The following ETFDH variants were observed in gnomAD, a reference collection of about 807,000 sequenced individuals.
ETFDH encodes the protein electron transfer flavoprotein dehydrogenase, also known as electron transfer flavoprotein-ubiquinone oxidoreductase, mitochondrial.
A neutral mutation model predicts 73.2 loss-of-function variants in ETFDH; 61 were observed. The ratio of observed to expected loss-of-function variants is 0.83; its 90% CI spans 0.68 to 1.03. The LOEUF is 1.03. Ranked by LOEUF, ETFDH falls within the 50% of genes least tolerant of loss-of-function variation. The pLI is 0.00. For synonymous variants in ETFDH, 243 were observed against 253.3 expected, an observed-to-expected ratio of 0.96 and a Z score of 0.39; for missense variants, 685 against 745.0, an observed-to-expected ratio of 0.92 and a Z score of 0.94.
At chr4:158,679,094 T>G (rs1009463268) in intron 1 of ETFDH, among the ~76,000 whole-genome samples, 20 of 152,220 alleles carry the variant, frequency 1.3e-4, no homozygotes, top group African/African-American at 4.6e-4. Context: ...CCATTTCTTC[T>G]CCCTAATTTG....
At chr4:158,685,245 A>G in intron 5 of ETFDH, 26 bp downstream of exon 5, 1 of 1,229,634 alleles carries the variant, frequency 8.1e-7, no homozygotes, top group Non-Finnish European at 1.2e-6. Context: ...TTTTGTTTTA[A>G]TATTTATAGG....
chr4:158,700,420 C>T (rs1774426609), intron 9 of ETFDH, among the ~76,000 whole-genome samples: 1 of 152,032 alleles, frequency 6.6e-6, no homozygotes, highest in Admixed American at 6.6e-5. Context: ...TAACCCTACT[C>T]TAATTTATAA....
At chr4:158,684,781 TATTTGA>T in intron 4 of ETFDH, 108 bp downstream of exon 4, 1 of 762,376 alleles carries the variant, frequency 1.3e-6, no homozygotes, top group Non-Finnish European at 2.4e-6. Flanking sequence ...GAGACCCAGA[TATTTGA>T]AGGACTTACT....
intron 9 of ETFDH, 80 bp from the exon 10 acceptor site, chr4:158,703,343 C>T: frequency 2.0e-6 from 2 of 998,562 alleles, no homozygotes; most frequent in East Asian, 2.4e-5. Flanking sequence ...CTCTAGAATA[C>T]TTTAAGACTG....
chr4:158,677,905 A>G (rs1351368577), intron 1 of ETFDH, among the ~76,000 whole-genome samples: 1 of 152,212 alleles, frequency 6.6e-6, no homozygotes, highest in African/African-American at 2.4e-5. Context: ...TTTGGTTTAC[A>G]CAAGGTCACA....
rs201683266 is a variant in ETFDH at position 158,708,422 on chromosome 4, T to C, written c.1749T>C (p.Ala583=). 6.2e-7 allele frequency: 1 copy of C among 1,611,476 alleles called. No individual in the cohort carries two copies. The highest frequency in any genetic ancestry group is 8.5e-7 in the Non-Finnish European group (1 of 1,177,542). Residue 583 remains alanine, a synonymous_variant, in exon 13 of 13, where the codon GCT becomes GCC. Coordinates refer to ENST00000511912, the MANE Select transcript of ETFDH (RefSeq NM_004453.4). ...ATGGATTTCGGTTACAGATAAATGC[T>C]CAGAACTGTGTACATTGTAAAACAT... is the stretch of plus-strand genomic sequence containing the variant. ...QGDGFRLQIN[A]QNCVHCKTCD...
Position 158,682,197 on chromosome 4 carries a change from G to C in ETFDH, c.178G>C (p.Val60Leu). The stretch of plus-strand genomic sequence containing the variant: ...CCCAGAATTTTTATTTCTCCCAGGA[G>C]TGAACATGGAAAGGTTTGCAGAAGA... ...PRDKDKRWEG[V>L]NMERFAEEAD... The change falls in exon 3 of 13, where the codon GTG becomes CTG. Residue 60 changes from valine to leucine, a missense_variant and splice_region_variant. By Grantham distance (32) the Val-to-Leu change is conservative. Coordinates refer to ENST00000511912, the MANE Select transcript of ETFDH (RefSeq NM_004453.4). 6.2e-7 allele frequency: 1 copy of C among 1,613,898 alleles called. No individual in the cohort carries two copies. The highest frequency in any genetic ancestry group is 2.2e-5 in the East Asian group (1 of 44,882).
At chr4:158,692,889 AC>A (rs368917205) in intron 6 of ETFDH, among the ~76,000 whole-genome samples, 18,384 of 95,266 alleles carry the variant, frequency 0.19, 1,463 homozygotes, top group Middle Eastern at 0.32. Flanking sequence ...AAAAAAAAAA[AC>A]ATATATATAT....
At position 158,699,114 on chromosome 4, in the gene ETFDH, A is replaced by G. The variant is rs751132805; in HGVS notation, c.1100A>G (p.Asn367Ser). 5.0e-6 allele frequency: 8 copies of G among 1,613,918 alleles called. No homozygotes were observed. The highest frequency in any genetic ancestry group is 2.2e-5 in the South Asian group (2 of 91,084). ...ATTGCATACGGAGCCAGAGCTCTCA[A>G]TGAAGGTGGCTTTCAGGTAACTCTT... Reference protein sequence around the residue: ...KRIAYGARALNEGGFQSIPKL... With the variant: ...KRIAYGARALSEGGFQSIPKL... The change falls in exon 9 of 13, where the codon AAT (asparagine) becomes AGT (serine). Residue 367 changes from asparagine to serine, a missense_variant. Asn to Ser is a conservative substitution (Grantham distance 46). Transcript: ENST00000511912.
At chr4:158,701,918 TG>T (rs1254991601) in intron 9 of ETFDH, among the ~76,000 whole-genome samples, 1 of 152,154 alleles carries the variant, frequency 6.6e-6, no homozygotes, top group Non-Finnish European at 1.5e-5. Context: ...CTTATTACAT[TG>T]TTTTTTTTAA....
intron 5 of ETFDH, among the ~76,000 whole-genome samples, chr4:158,687,859 T>G (rs1028035193): frequency 4.6e-5 from 7 of 151,190 alleles, no homozygotes; most frequent in African/African-American, 1.7e-4. Flanking sequence ...GATAACATGG[T>G]GAAACCCCGT....
intron 1 of ETFDH, among the ~76,000 whole-genome samples, chr4:158,678,982 A>G (rs1773778706): frequency 6.6e-6 from 1 of 152,048 alleles, no homozygotes; most frequent in Non-Finnish European, 1.5e-5. Context: ...AACCTACCCT[A>G]ATAAAATCTT....
intron 1 of ETFDH, among the ~76,000 whole-genome samples, chr4:158,678,571 C>G (rs1001763255): frequency 1.3e-5 from 2 of 151,894 alleles, no homozygotes; most frequent in Non-Finnish European, 2.9e-5. Flanking sequence ...CCATTCTCTA[C>G]TTGTTAGAAG....
intron 6 of ETFDH, among the ~76,000 whole-genome samples, chr4:158,691,434 C>G (rs924547707): frequency 2.6e-5 from 4 of 152,194 alleles, no homozygotes; most frequent in Non-Finnish European, 5.9e-5. Context: ...AAGTAGTTAT[C>G]CCGCCTCAGC....
chr4:158,686,710 C>T (rs1774014391), intron 5 of ETFDH, among the ~76,000 whole-genome samples: 1 of 152,146 alleles, frequency 6.6e-6, no homozygotes, highest in Non-Finnish European at 1.5e-5. Context: ...ATCCTGGTTT[C>T]TATGACTTGC....
chr4:158,683,793 A>C (rs1420619755), intron 3 of ETFDH, among the ~76,000 whole-genome samples: 2 of 152,088 alleles, frequency 1.3e-5, no homozygotes, highest in Non-Finnish European at 2.9e-5. Flanking sequence ...ATGTGGGCTC[A>C]AAACCACTAG....
chr4:158,705,759 G>A (rs1177409310), intron 10 of ETFDH, among the ~76,000 whole-genome samples: 4 of 152,176 alleles, frequency 2.6e-5, no homozygotes, highest in Non-Finnish European at 4.4e-5. Flanking sequence ...AGCCTTCACT[G>A]TGGACCATGT....
At position 158,709,596 on chromosome 4, in the gene ETFDH, T is replaced by C. The variant is rs1042894792; in HGVS notation, c.*1069T>C. The C allele has an allele frequency of 5.0e-6, 3 of 599,738 alleles. No individual in the cohort carries two copies. Among genetic ancestry groups the C allele is most frequent in the Non-Finnish European group, 5.7e-6 (2 of 348,266 alleles). The allele number at this position is 599,738 out of a possible 1,614,324, so 37.2% of individuals were successfully genotyped here. ...CATGTTTATTAAGCATGAACCCCTA[T>C]CAGTACTCCTAAACTGTAAACAGTA... On this transcript the variant is annotated 3_prime_UTR_variant, in exon 13 of 13. Coordinates refer to ENST00000511912, the MANE Select transcript of ETFDH (RefSeq NM_004453.4).
At chr4:158,697,401 G>A (rs1774335518) in intron 7 of ETFDH, among the ~76,000 whole-genome samples, 158 bp from the exon 8 acceptor site, 1 of 151,988 alleles carries the variant, frequency 6.6e-6, no homozygotes, top group African/African-American at 2.4e-5. Flanking sequence ...AGCCTTCTTT[G>A]ATATTTGAAG....
Sources: allele counts gnomAD v4.1 joint callset (sites outside exome capture counted in the v4.1 genomes callset), GRCh38; gene constraint gnomAD v4.1.1; transcripts MANE v1.5; gene names NCBI Gene and HGNC (gene_info 2026-07-23, HGNC 2026-07-21).